LGALS14: variants seen among roughly 807,000 people sequenced by gnomAD.
LGALS14 encodes galectin 14, also known as placental protein 13-like.
Under a neutral mutation model 14.6 loss-of-function variants are expected in LGALS14, and 14 were observed. The ratio of observed to expected loss-of-function variants is 0.96; its 90% CI spans 0.64 to 1.50. LGALS14 has a LOEUF of 1.50. Among genes scored for constraint, LGALS14 ranks in the 40% most tolerant of loss-of-function variants. The pLI is 0.00. For missense variants in LGALS14, 180 were observed against 172.0 expected, an observed-to-expected ratio of 1.05 and a Z score of -0.26; for synonymous variants, 57 against 63.9, an observed-to-expected ratio of 0.89 and a Z score of 0.51.
At chr19:39,706,714 AG>A in intron 2 of LGALS14, 41 bp downstream of exon 2, 1 of 1,482,274 alleles carries the variant, frequency 6.7e-7, no homozygotes, top group Non-Finnish European at 9.4e-7. Flanking sequence ...GGAGGAGAGA[AG>A]GGAGAATATT....
chr19:39,708,522 A>G (rs1370734192), intron 3 of LGALS14, among the ~76,000 whole-genome samples: 1 of 152,206 alleles, frequency 6.6e-6, no homozygotes, highest in Admixed American at 6.5e-5. Flanking sequence ...TAACACTAAG[A>G]AGGTGACTTT....
chr19:39,706,054 T>C, intron 1 of LGALS14: 1 of 1,608,206 alleles, frequency 6.2e-7, no homozygotes, highest in Non-Finnish European at 8.5e-7. Context: ...TCTTTCGTCA[T>C]TTCCCTTTCT....
chr19:39,706,654 A>G lies in LGALS14; in HGVS notation c.73A>G (p.Thr25Ala). The change falls in exon 2 of 4, where the codon ACA (threonine) becomes GCA (alanine). Residue 25 changes from threonine to alanine, a missense_variant. Physicochemically the swap from Thr to Ala is moderately conservative, Grantham distance 58 (BLOSUM62 0). Coordinates refer to ENST00000392052, the MANE Select transcript of LGALS14 (RefSeq NM_020129.3). ...TGGTTCGTGCGTGATAATCACAGGG[A>G]CACCGATCCTCACTTTTGTGTGAGT... ...PVGSCVIITG[T>A]PILTFVKDPQ... The G allele has an allele frequency of 6.2e-7, 1 of 1,613,740 alleles. No individual in the cohort carries two copies. Among genetic ancestry groups the G allele is most frequent in the Non-Finnish European group, 8.5e-7 (1 of 1,179,640 alleles).
At chr19:39,706,215 A>G (rs1299516885) in intron 1 of LGALS14, among the ~76,000 whole-genome samples, 1 of 152,186 alleles carries the variant, frequency 6.6e-6, no homozygotes, top group Non-Finnish European at 1.5e-5. Context: ...GACCCTATAC[A>G]TGCCAGGGAT....
intron 1 of LGALS14, among the ~76,000 whole-genome samples, chr19:39,705,244 G>C (rs1332347227): frequency 6.6e-6 from 1 of 152,164 alleles, no homozygotes; most frequent in Non-Finnish European, 1.5e-5. Context: ...CCCAGTAAGA[G>C]TGAGGAAAAG....
rs540180472 is a variant in LGALS14, at chr19:39,705,485, A to C, written c.15+942A>C. 6.6e-5 allele frequency among the ~76,000 whole-genome samples: 10 copies of C among 152,224 alleles called. No homozygotes were observed. In the South Asian group the frequency reaches 1.9e-3, roughly 28 times the overall value. On this transcript the variant is annotated intron_variant, in intron 1 of 3. Transcript: ENST00000392052. Reference sequence around the variant, plus strand: ...TAAGCTCTGTCTGAACTGAGACTAAACTTGTTCCTCCACTCATGAAAGAAC... The same window carrying C: ...TAAGCTCTGTCTGAACTGAGACTAACCTTGTTCCTCCACTCATGAAAGAAC...
intron 3 of LGALS14, among the ~76,000 whole-genome samples, chr19:39,707,591 C>T (rs1268931086): frequency 6.6e-6 from 1 of 152,202 alleles, no homozygotes; most frequent in African/African-American, 2.4e-5. Context: ...GGTCGGCTCA[C>T]CTGCCATTTC....
chr19:39,706,019 C>T (rs1243839871), intron 1 of LGALS14: 3 of 1,613,252 alleles, frequency 1.9e-6, no homozygotes, highest in Non-Finnish European at 2.5e-6. Context: ...GGTGCGTGTA[C>T]ATCCCACACA....
rs529281254 is a variant in LGALS14, at chr19:39,706,257, C to T, written c.16-340C>T. Among the ~76,000 whole-genome samples, 4 of 152,300 alleles carry T rather than the reference C, an allele frequency of 2.6e-5. No homozygotes were observed. The South Asian group carries it at 8.3e-4, about 32-fold the overall frequency. On this transcript the variant is annotated intron_variant, in intron 1 of 3. Coordinates refer to ENST00000392052, the MANE Select transcript of LGALS14 (RefSeq NM_020129.3). ...AAAAGTTTTACCTATATTAACTCCTCTATTACTGAGAACACCCTACAAAGT... is the reference window on the plus strand; with the variant it reads ...AAAAGTTTTACCTATATTAACTCCTTTATTACTGAGAACACCCTACAAAGT...
intron 1 of LGALS14, chr19:39,706,091 G>T: frequency 6.4e-7 from 1 of 1,564,438 alleles, no homozygotes; most frequent in Non-Finnish European, 8.7e-7. Flanking sequence ...TTTCTCACTG[G>T]AGTGAATTTT....
intron 1 of LGALS14, 106 bp downstream of exon 1, chr19:39,704,649 C>T (rs1973689660): frequency 2.9e-6 from 3 of 1,041,328 alleles, no homozygotes; most frequent in African/African-American, 1.6e-5. Context: ...ACTGTGAATG[C>T]ATTACCGAGA....
intron 1 of LGALS14, among the ~76,000 whole-genome samples, chr19:39,705,171 G>A (rs1384245181): frequency 1.3e-5 from 2 of 152,142 alleles, no homozygotes; most frequent in African/African-American, 4.8e-5. Flanking sequence ...GGGATTGTGA[G>A]TTACCAAGGA....
chr19:39,706,765 C>G, intron 2 of LGALS14, 92 bp downstream of exon 2: 1 of 1,115,184 alleles, frequency 9.0e-7, no homozygotes, highest in Non-Finnish European at 1.4e-6. Context: ...ATGTGGAAAA[C>G]TCTAGTTGGC....
chr19:39,707,392 A>C lies in LGALS14; in HGVS notation c.303+4A>C. On this transcript the variant is annotated splice_donor_region_variant and intron_variant, in intron 3 of 3. Coordinates refer to ENST00000392052, the MANE Select transcript of LGALS14 (RefSeq NM_020129.3). ...TGTGCGTCACAAGGAATACAAGGTG[A>C]GTACTTCAGGATCTTCCAGCGCTGG... is the stretch of plus-strand genomic sequence containing the variant. The C allele has an allele frequency of 6.2e-7, 1 of 1,612,602 alleles. No individual in the cohort carries two copies. Among genetic ancestry groups the C allele is most frequent in the Non-Finnish European group, 8.5e-7 (1 of 1,179,004 alleles).
chr19:39,706,332 G>C (rs1053397489), intron 1 of LGALS14, among the ~76,000 whole-genome samples: 1 of 152,128 alleles, frequency 6.6e-6, no homozygotes, highest in Non-Finnish European at 1.5e-5. Context: ...GGCAGGGAGA[G>C]GTTAAGTAAT....
rs1021525110 is a variant in LGALS14, at chr19:39,704,518, A to C, written c.-11A>C. ...ACACAATTCCGAAGAGCTGCCCAGA[A>C]GGAGAGAACAATGTCATCACTACCC... is the stretch of plus-strand genomic sequence containing the variant. On this transcript the variant is annotated 5_prime_UTR_variant, in exon 1 of 4. Transcript: ENST00000392052. The C allele has an allele frequency of 1.2e-6, 2 of 1,613,702 alleles. No individual in the cohort carries two copies. Among genetic ancestry groups the C allele is most frequent in the Non-Finnish European group, 1.7e-6 (2 of 1,179,694 alleles).
intron 1 of LGALS14, among the ~76,000 whole-genome samples, chr19:39,704,803 T>A (rs1973691419): frequency 6.6e-6 from 1 of 152,088 alleles, no homozygotes; most frequent in Non-Finnish European, 1.5e-5. Flanking sequence ...ATTAAGTGAC[T>A]TTAGGTGGGA....
At chr19:39,708,008 C>G (rs1479532641) in intron 3 of LGALS14, among the ~76,000 whole-genome samples, 2 of 152,116 alleles carry the variant, frequency 1.3e-5, no homozygotes, top group Non-Finnish European at 2.9e-5. Flanking sequence ...AAGAGTTTCA[C>G]CATGTTGGCC....
At chr19:39,707,820 A>T (rs1207560931) in intron 3 of LGALS14, among the ~76,000 whole-genome samples, 3 of 151,808 alleles carry the variant, frequency 2.0e-5, no homozygotes. Flanking sequence ...TTATTTTTTT[A>T]TTTTTTTGAG....
Sources: allele counts gnomAD v4.1 joint callset (sites outside exome capture counted in the v4.1 genomes callset), GRCh38; gene constraint gnomAD v4.1.1; transcripts MANE v1.5; gene names NCBI Gene and HGNC (gene_info 2026-07-23, HGNC 2026-07-21).